The following ZBTB20 variants were observed in gnomAD, a reference collection of about 807,000 sequenced individuals.
ZBTB20 encodes the protein zinc finger and BTB domain-containing protein 20.
ZBTB20 carries 9 observed loss-of-function variants against 56.9 expected under a neutral mutation model. The observed-to-expected ratio is 0.16, with a 90% CI of 0.10 to 0.28. ZBTB20 has a LOEUF of 0.28. Ranked by LOEUF, ZBTB20 falls within the 10% of genes least tolerant of loss-of-function variation. The pLI is 1.00. For synonymous variants in ZBTB20, 417 were observed against 420.7 expected, an observed-to-expected ratio of 0.99 and a Z score of 0.11; for missense variants, 655 against 1,003.0, an observed-to-expected ratio of 0.65 and a Z score of 4.69.
chr3:114,546,759 T>C (rs1056242920), intron 6 of ZBTB20, among the ~76,000 whole-genome samples: 2 of 152,052 alleles, frequency 1.3e-5, no homozygotes, highest in East Asian at 1.9e-4. Context: ...ACAAAACCTA[T>C]ACAGGCAAAA....
At chr3:114,657,486 A>G (rs2060478804) in intron 6 of ZBTB20, among the ~76,000 whole-genome samples, 1 of 152,180 alleles carries the variant, frequency 6.6e-6, no homozygotes. Context: ...TCCCACATAC[A>G]TGCACAGTTT....
intron 7 of ZBTB20, among the ~76,000 whole-genome samples, chr3:114,415,767 A>C (rs901926520): frequency 6.6e-6 from 1 of 152,110 alleles, no homozygotes; most frequent in Non-Finnish European, 1.5e-5. Context: ...CCTGGGCGAA[A>C]TAACTTAAAA....
chr3:115,117,760 TA>T (rs1172258975), intron 1 of ZBTB20, among the ~76,000 whole-genome samples: 2 of 152,200 alleles, frequency 1.3e-5, no homozygotes, highest in Non-Finnish European at 2.9e-5. Flanking sequence ...ATAGTGCTCT[TA>T]TTTTTTTAAA....
At chr3:114,497,400 A>G (rs2043405781) in intron 7 of ZBTB20, among the ~76,000 whole-genome samples, 1 of 152,090 alleles carries the variant, frequency 6.6e-6, no homozygotes, top group Non-Finnish European at 1.5e-5. Context: ...GCCCAATCTC[A>G]TACTACTCTT....
At chr3:114,610,562 C>A (rs1274270) in intron 6 of ZBTB20, among the ~76,000 whole-genome samples, 1 of 152,074 alleles carries the variant, frequency 6.6e-6, no homozygotes. Flanking sequence ...AGGCCTTGTA[C>A]GTAACTGGGG....
At chr3:114,737,435 T>A (rs1000158138) in intron 5 of ZBTB20, among the ~76,000 whole-genome samples, 1 of 152,058 alleles carries the variant, frequency 6.6e-6, no homozygotes, top group African/African-American at 2.4e-5. Context: ...GAATAAACTA[T>A]CAAGACAGCA....
intron 5 of ZBTB20, among the ~76,000 whole-genome samples, chr3:114,721,672 A>T (rs977532272): frequency 4.6e-5 from 7 of 152,028 alleles, no homozygotes; most frequent in Non-Finnish European, 8.8e-5. Flanking sequence ...AGGCAATCTG[A>T]CTCCAGAGCC....
intron 2 of ZBTB20, among the ~76,000 whole-genome samples, chr3:115,022,956 G>A (rs151257534): frequency 1.0e-3 from 152 of 151,038 alleles, no homozygotes; most frequent in African/African-American, 3.3e-3. Context: ...AACACTGTGC[G>A]AGATGCTGAG....
intron 6 of ZBTB20, among the ~76,000 whole-genome samples, chr3:114,538,864 C>A (rs946855688): frequency 9.9e-5 from 15 of 152,146 alleles, no homozygotes; most frequent in Non-Finnish European, 2.9e-5. Flanking sequence ...ATTAGAGTCA[C>A]ATTCAGTCTG....
intron 1 of ZBTB20, among the ~76,000 whole-genome samples, chr3:115,120,306 A>G (rs2084147651): frequency 1.3e-5 from 2 of 152,224 alleles, no homozygotes; most frequent in South Asian, 2.1e-4. Flanking sequence ...TCCGTATCTT[A>G]TGCTCAAATT....
intron 7 of ZBTB20, among the ~76,000 whole-genome samples, chr3:114,461,306 C>A (rs374629864): frequency 6.7e-6 from 1 of 148,242 alleles, no homozygotes; most frequent in Admixed American, 6.8e-5. Flanking sequence ...TCCCCCCCCC[C>A]TCTTTTTTTT....
At chr3:114,576,601 G>A (rs1390123131) in intron 6 of ZBTB20, among the ~76,000 whole-genome samples, 2 of 146,298 alleles carry the variant, frequency 1.4e-5, no homozygotes, top group Non-Finnish European at 3.0e-5. Context: ...AGTGATAAGA[G>A]GAGACAGATG....
intron 10 of ZBTB20, among the ~76,000 whole-genome samples, chr3:114,362,668 G>A (rs771421736): frequency 2.0e-5 from 3 of 152,128 alleles, no homozygotes; most frequent in Non-Finnish European, 2.9e-5. Flanking sequence ...TCTGATACAT[G>A]CCATGCTGTC....
chr3:115,024,857 T>G (rs1367848552), intron 2 of ZBTB20, among the ~76,000 whole-genome samples: 1 of 151,190 alleles, frequency 6.6e-6, no homozygotes, highest in Non-Finnish European at 1.5e-5. Context: ...TTAATTGTTG[T>G]TAGTAGTAGT....
intron 1 of ZBTB20, among the ~76,000 whole-genome samples, chr3:115,123,101 C>G (rs572968863): frequency 6.6e-6 from 1 of 152,256 alleles, no homozygotes; most frequent in African/African-American, 2.4e-5. Context: ...CTTTCTATGG[C>G]ATCCACTTGA....
At position 114,434,706 on chromosome 3, in the gene ZBTB20, C is replaced by T. The variant is rs181507542; in HGVS notation, c.-254-45601G>A. On this transcript the variant is annotated intron_variant, in intron 7 of 11. Transcript: ENST00000675478. ...TTCAATGGTGCTTACATTTGAGCAGCGTTTTCTTTTTCCATTCTCAAACAC... is the reference window on the plus strand; with the variant it reads ...TTCAATGGTGCTTACATTTGAGCAGTGTTTTCTTTTTCCATTCTCAAACAC... Among the ~76,000 whole-genome samples, 284 of 152,132 alleles carry T rather than the reference C, an allele frequency of 1.9e-3. 1 individual carries two copies. Among genetic ancestry groups the T allele is most frequent in the African/African-American group, 6.3e-3 (263 of 41,518 alleles).
At chr3:114,372,420 A>T (rs958621919) in intron 10 of ZBTB20, among the ~76,000 whole-genome samples, 7 of 152,188 alleles carry the variant, frequency 4.6e-5, no homozygotes, top group African/African-American at 1.7e-4. Context: ...GGGACCTGGG[A>T]GGATTTTATA....
intron 6 of ZBTB20, among the ~76,000 whole-genome samples, chr3:114,579,039 TAAG>T (rs921004501): frequency 3.3e-5 from 5 of 151,818 alleles, no homozygotes; most frequent in Non-Finnish European, 7.4e-5. Context: ...TTTTTTATAC[TAAG>T]AAGAAGGTCA....
At chr3:114,469,452 C>G (rs2039869380) in intron 7 of ZBTB20, among the ~76,000 whole-genome samples, 1 of 152,174 alleles carries the variant, frequency 6.6e-6, no homozygotes, top group South Asian at 2.1e-4. Flanking sequence ...ATGATGATAT[C>G]TAATGATAAT....
Sources: gnomAD v4.1 joint callset for allele counts (sites outside exome capture counted in the v4.1 genomes callset) on GRCh38, gnomAD v4.1.1 for gene constraint, MANE v1.5 for transcripts, NCBI Gene and HGNC (gene_info 2026-07-23, HGNC 2026-07-21) for gene names.